Variants in FOXN3 observed in about 807,000 individuals in gnomAD.
FOXN3 encodes forkhead box protein N3.
FOXN3 carries 7 observed loss-of-function variants against 38.4 expected under a neutral mutation model. That is an observed-to-expected ratio of 0.18 (90% CI 0.10 to 0.34). FOXN3 has a LOEUF of 0.34. FOXN3 is among the 10% of genes least tolerant of loss of function. The pLI is 1.00. For missense variants in FOXN3, 456 were observed against 613.4 expected (o/e 0.74, Z 2.71); for synonymous variants, 230 against 242.2 (o/e 0.95, Z 0.47).
intron 3 of FOXN3, among the ~76,000 whole-genome samples, chr14:89,336,460 C>G (rs900576462): frequency 2.6e-5 from 4 of 152,144 alleles, no homozygotes; most frequent in African/African-American, 9.7e-5. Context: ...CAAAGCTCAT[C>G]GAAGAATGTT....
chr14:89,351,280 A>G (rs931865200), intron 2 of FOXN3: 3 of 152,290 alleles, frequency 2.0e-5, no homozygotes, highest in African/African-American at 7.2e-5. Flanking sequence ...AAAAACAGAA[A>G]AGTAATCCCC....
intron 1 of FOXN3, among the ~76,000 whole-genome samples, chr14:89,551,307 T>C (rs1355108106): frequency 6.6e-6 from 1 of 152,220 alleles, no homozygotes; most frequent in East Asian, 1.9e-4. Flanking sequence ...TTAATTTCCT[T>C]GATTTCCTGT....
In FOXN3 at chr14:89,574,417, C is replaced by G. The variant is rs533783848; in HGVS notation, c.-15+44611G>C. On this transcript the variant is annotated intron_variant, in intron 1 of 6. Coordinates refer to the FOXN3 transcript ENST00000345097. Reference sequence around the variant, plus strand: ...TCTCTGGCGAGGTGGTGATAATGGCCTGGCAGGGATACGCTTGGTGGCTGG... The same window carrying G: ...TCTCTGGCGAGGTGGTGATAATGGCGTGGCAGGGATACGCTTGGTGGCTGG... 5.9e-5 allele frequency among the ~76,000 whole-genome samples: 9 copies of G among 152,222 alleles called. No individual in the cohort carries two copies. In the South Asian group the frequency reaches 1.7e-3, roughly 28 times the overall value.
At chr14:89,182,131 G>C (rs1269961319) in intron 4 of FOXN3, among the ~76,000 whole-genome samples, 1 of 152,186 alleles carries the variant, frequency 6.6e-6, no homozygotes, top group African/African-American at 2.4e-5. Context: ...CTGGACATTA[G>C]GTGTGTAAGC....
At chr14:89,423,507 A>G (rs1343059423) in intron 1 of FOXN3, among the ~76,000 whole-genome samples, 5 of 152,198 alleles carry the variant, frequency 3.3e-5, no homozygotes, top group Admixed American at 1.3e-4. Context: ...TTAAAAACAA[A>G]TGAAATATTG....
At chr14:89,227,303 G>T (rs1288301814) in intron 4 of FOXN3, among the ~76,000 whole-genome samples, 1 of 152,172 alleles carries the variant, frequency 6.6e-6, no homozygotes, top group Admixed American at 6.5e-5. Flanking sequence ...AGTGAATGAG[G>T]CTGCAATATT....
intron 2 of FOXN3, among the ~76,000 whole-genome samples, chr14:89,374,006 CT>C (rs1890397283): frequency 6.6e-6 from 1 of 151,962 alleles, no homozygotes; most frequent in Admixed American, 6.6e-5. Context: ...TGGCTCATGC[CT>C]GTAATGCCAG....
intron 4 of FOXN3, among the ~76,000 whole-genome samples, chr14:89,248,714 T>C (rs914226218): frequency 6.6e-6 from 1 of 152,234 alleles, no homozygotes; most frequent in African/African-American, 2.4e-5. Context: ...AAATTAGAAC[T>C]TCCTCCGCTA....
Position 89,517,292 on chromosome 14 carries a change from G to A in FOXN3, c.-15+101736C>T, listed in dbSNP as rs564956778. On this transcript the variant is annotated intron_variant, in intron 1 of 6. Transcript: ENST00000345097. ...GCAGGAGAATCACTTGAACCTGGGA[G>A]GCGGAGGTTGCAGTGAGCCGAGATC... Among the ~76,000 whole-genome samples, 74 of 150,706 alleles carry A rather than the reference G, an allele frequency of 4.9e-4. 1 individual carries two copies. Among genetic ancestry groups the A allele is most frequent in the Non-Finnish European group, 8.4e-4 (57 of 67,682 alleles).
intron 3 of FOXN3, among the ~76,000 whole-genome samples, chr14:89,338,988 G>C (rs1189202903): frequency 6.6e-6 from 1 of 152,148 alleles, no homozygotes; most frequent in African/African-American, 2.4e-5. Flanking sequence ...ACTCGTTTAA[G>C]ACAAGTATTC....
chr14:89,181,539 G>A (rs545262328), intron 4 of FOXN3, among the ~76,000 whole-genome samples: 1 of 152,140 alleles, frequency 6.6e-6, no homozygotes, highest in Non-Finnish European at 1.5e-5. Flanking sequence ...GCCCCTCCCC[G>A]GGGTATCCTC....
intron 2 of FOXN3, among the ~76,000 whole-genome samples, chr14:89,396,247 A>C (rs573780894): frequency 3.0e-4 from 45 of 152,250 alleles, no homozygotes; most frequent in Non-Finnish European, 5.4e-4. Flanking sequence ...TAGGAAGGAA[A>C]ACAAATCCCA....
At chr14:89,555,222 T>C (rs542868558) in intron 1 of FOXN3, among the ~76,000 whole-genome samples, 1 of 152,340 alleles carries the variant, frequency 6.6e-6, no homozygotes, top group Non-Finnish European at 1.5e-5. Flanking sequence ...CCTTACACTG[T>C]ACAAGTGCAA....
intron 1 of FOXN3, among the ~76,000 whole-genome samples, chr14:89,452,028 C>T (rs1343894089): frequency 6.6e-6 from 1 of 152,092 alleles, no homozygotes; most frequent in Non-Finnish European, 1.5e-5. Context: ...CTAAAAGTCC[C>T]TACCTGAAGT....
intron 1 of FOXN3, among the ~76,000 whole-genome samples, chr14:89,538,423 T>C (rs2139845274): frequency 6.6e-6 from 1 of 152,318 alleles, no homozygotes; most frequent in Middle Eastern, 3.4e-3. Flanking sequence ...AGGTAAAGAA[T>C]AAAAACAGAA....
chr14:89,368,622 G>A (rs1475872016), intron 2 of FOXN3, among the ~76,000 whole-genome samples: 2 of 152,144 alleles, frequency 1.3e-5, no homozygotes, highest in South Asian at 2.1e-4. Context: ...CTCCGGCTTG[G>A]GTGACAGAGT....
At chr14:89,547,700 G>A (rs1001402824) in intron 1 of FOXN3, among the ~76,000 whole-genome samples, 2 of 152,074 alleles carry the variant, frequency 1.3e-5, no homozygotes, top group Non-Finnish European at 2.9e-5. Context: ...TCTCCCCAAC[G>A]GACTGTGAGC....
chr14:89,382,410 A>C (rs80147782), intron 2 of FOXN3, among the ~76,000 whole-genome samples: 2,286 of 152,244 alleles, frequency 0.015, 30 homozygotes, highest in Non-Finnish European at 0.025. Context: ...CAAGCCTGAA[A>C]GTCAAGCCCT....
At chr14:89,358,441 G>C (rs754576481) in intron 2 of FOXN3, among the ~76,000 whole-genome samples, 20 of 152,152 alleles carry the variant, frequency 1.3e-4, no homozygotes, top group Non-Finnish European at 2.1e-4. Flanking sequence ...ACCCCCATTG[G>C]GGGATACAGA....
Sources: gnomAD v4.1 joint callset for allele counts (sites outside exome capture counted in the v4.1 genomes callset) on GRCh38, gnomAD v4.1.1 for gene constraint, MANE v1.5 for transcripts, NCBI Gene and HGNC (gene_info 2026-07-23, HGNC 2026-07-21) for gene names.